Variants in FSIP1 observed in about 807,000 individuals in gnomAD.
FSIP1 encodes fibrous sheath interacting protein 1.
FSIP1 carries 65 observed loss-of-function variants against 60.9 expected under a neutral mutation model. That is an observed-to-expected ratio of 1.07 (90% CI 0.87 to 1.31). FSIP1 has a LOEUF of 1.31. FSIP1 is among the 40% of genes most tolerant of loss of function. The pLI is 0.00. For missense variants in FSIP1, 675 were observed against 665.5 expected, an observed-to-expected ratio of 1.01 and a Z score of -0.16; for synonymous variants, 209 against 221.2, an observed-to-expected ratio of 0.94 and a Z score of 0.49.
intron 10 of FSIP1, among the ~76,000 whole-genome samples, chr15:39,673,979 T>C (rs1359564905): frequency 3.3e-5 from 5 of 152,096 alleles, no homozygotes; most frequent in Admixed American, 3.3e-4. Flanking sequence ...TTTAATAAAA[T>C]TTTATATAAA....
In FSIP1 at chr15:39,603,487, G is replaced by A. The variant is rs147631381; in HGVS notation, c.1700-2561C>T. Among the ~76,000 whole-genome samples the A allele has an allele frequency of 1.4e-3, 216 of 152,332 alleles. 1 individual carries two copies. Among genetic ancestry groups the A allele is most frequent in the African/African-American group, 5.0e-3 (207 of 41,562 alleles). ...CTCAGTATAGCTTAAATGCCAGGCC[G>A]GCTCAAGGCAGACGGAAGTAGAGAG... On this transcript the variant is annotated intron_variant, in intron 11 of 11. Transcript: ENST00000350221.
chr15:39,739,714 A>G lies in FSIP1; in HGVS notation c.731T>C (p.Ile244Thr), dbSNP rs553469228. The change falls in exon 7 of 12, where the codon ATT becomes ACT. Residue 244 changes from isoleucine to threonine, a missense_variant. By Grantham distance (89) the Ile-to-Thr change is moderately conservative. Transcript: ENST00000350221. ...CTGGTTGTGTTTACCCCTGAGCTCA[A>G]TCTTTTCTGTATTCGAGAAAGGTTT... ...GKKPFSNTEK[I>T]ELRGKHNQDF... is the part of the protein sequence containing the mutation. 3.1e-6 allele frequency: 5 copies of G among 1,602,222 alleles called. No homozygotes were observed. The African/African-American group carries it at 4.0e-5, about 13-fold the overall frequency.
chr15:39,681,199 G>A (rs1163112784), intron 10 of FSIP1, among the ~76,000 whole-genome samples: 1 of 152,132 alleles, frequency 6.6e-6, no homozygotes, highest in East Asian at 1.9e-4. Context: ...AGGGGAAAAA[G>A]AAATCATTCC....
chr15:39,670,421 G>T (rs1338627242), intron 10 of FSIP1, among the ~76,000 whole-genome samples: 3 of 152,130 alleles, frequency 2.0e-5, no homozygotes, highest in African/African-American at 7.2e-5. Flanking sequence ...AAAAATAAAT[G>T]AAAAGAACCA....
At chr15:39,684,619 A>T (rs1334621847) in intron 10 of FSIP1, among the ~76,000 whole-genome samples, 1 of 152,216 alleles carries the variant, frequency 6.6e-6, no homozygotes, top group African/African-American at 2.4e-5. Flanking sequence ...GTCAAATCCT[A>T]AAATAGAATG....
intron 4 of FSIP1, among the ~76,000 whole-genome samples, chr15:39,765,003 G>C (rs1897631779): frequency 1.3e-5 from 2 of 152,182 alleles, no homozygotes; most frequent in Non-Finnish European, 1.5e-5. Flanking sequence ...CTGCTGGTAA[G>C]AGACATGGTA....
At chr15:39,641,823 G>A (rs1042306683) in intron 10 of FSIP1, among the ~76,000 whole-genome samples, 7 of 152,224 alleles carry the variant, frequency 4.6e-5, no homozygotes, top group East Asian at 1.9e-4. Context: ...ACCAGCAAAC[G>A]TAAAAACGGA....
At chr15:39,680,781 A>G (rs1259597527) in intron 10 of FSIP1, among the ~76,000 whole-genome samples, 1 of 152,224 alleles carries the variant, frequency 6.6e-6, no homozygotes, top group Non-Finnish European at 1.5e-5. Context: ...TACAATAGCT[A>G]ACATTTATTT....
chr15:39,634,268 C>T (rs1892036405), intron 10 of FSIP1, among the ~76,000 whole-genome samples: 3 of 152,346 alleles, frequency 2.0e-5, no homozygotes, highest in South Asian at 4.1e-4. Context: ...CCCACCACTG[C>T]ATTTCTCTTA....
At chr15:39,745,354 T>C (rs1001538384) in intron 5 of FSIP1, among the ~76,000 whole-genome samples, 1 of 152,142 alleles carries the variant, frequency 6.6e-6, no homozygotes, top group Non-Finnish European at 1.5e-5. Context: ...GTCTAATTAA[T>C]ATAAATAAGA....
At chr15:39,679,869 T>G (rs1307131997) in intron 10 of FSIP1, among the ~76,000 whole-genome samples, 3 of 152,204 alleles carry the variant, frequency 2.0e-5, no homozygotes, top group African/African-American at 7.2e-5. Context: ...CTATTTGAAA[T>G]AGCCACAAGG....
intron 9 of FSIP1, among the ~76,000 whole-genome samples, chr15:39,724,834 A>G (rs1896125201): frequency 6.6e-6 from 1 of 152,232 alleles, no homozygotes. Context: ...TGAAACATGA[A>G]AAGAATAGAG....
chr15:39,739,207 G>A lies in FSIP1; in HGVS notation c.780+458C>T, dbSNP rs549897648. 2.7e-3 allele frequency among the ~76,000 whole-genome samples: 417 copies of A among 152,228 alleles called. 3 individuals carry two copies. The highest frequency in any genetic ancestry group is 4.7e-3 in the Non-Finnish European group (320 of 68,024). On this transcript the variant is annotated intron_variant, in intron 7 of 11. Coordinates refer to ENST00000350221, the MANE Select transcript of FSIP1 (RefSeq NM_152597.5). ...CTGCTGGGACGTCCAGAGAAGAGGCGGACAACCAGTTGGCTTCTCCAGCCC... is the reference window on the plus strand; with the variant it reads ...CTGCTGGGACGTCCAGAGAAGAGGCAGACAACCAGTTGGCTTCTCCAGCCC...
intron 10 of FSIP1, among the ~76,000 whole-genome samples, chr15:39,680,779 C>A (rs1595607299): frequency 6.6e-6 from 1 of 152,270 alleles, no homozygotes; most frequent in South Asian, 2.1e-4. Flanking sequence ...AATACAATAG[C>A]TAACATTTAT....
At chr15:39,666,701 A>G (rs1396229901) in intron 10 of FSIP1, among the ~76,000 whole-genome samples, 2 of 152,220 alleles carry the variant, frequency 1.3e-5, no homozygotes, top group Non-Finnish European at 2.9e-5. Flanking sequence ...TAGCGGCAGC[A>G]CTGAACTTCA....
intron 3 of FSIP1, among the ~76,000 whole-genome samples, chr15:39,769,592 G>A (rs956069341): frequency 1.2e-4 from 18 of 152,148 alleles, no homozygotes; most frequent in Admixed American, 2.6e-4. Flanking sequence ...CTCAAACTTC[G>A]GTACACAGCA....
chr15:39,719,271 G>A (rs1035762224), intron 9 of FSIP1, among the ~76,000 whole-genome samples: 5 of 152,164 alleles, frequency 3.3e-5, no homozygotes, highest in African/African-American at 1.2e-4. Flanking sequence ...TCTCATAGTA[G>A]AAATATTTAA....
chr15:39,606,762 CTA>C (rs1339824370), intron 11 of FSIP1, among the ~76,000 whole-genome samples: 1 of 152,066 alleles, frequency 6.6e-6, no homozygotes, highest in Non-Finnish European at 1.5e-5. Context: ...CCCTATTTTA[CTA>C]TGTTTGTTAT....
chr15:39,614,751 T>G (rs1022643638), intron 11 of FSIP1, among the ~76,000 whole-genome samples: 3 of 152,120 alleles, frequency 2.0e-5, no homozygotes, highest in African/African-American at 7.2e-5. Context: ...ATGCAATTCC[T>G]ATCAAAAATC....
Sources: gnomAD v4.1 joint callset for allele counts (sites outside exome capture counted in the v4.1 genomes callset) on GRCh38, gnomAD v4.1.1 for gene constraint, MANE v1.5 for transcripts, NCBI Gene and HGNC (gene_info 2026-07-23, HGNC 2026-07-21) for gene names.